The following MRPL42 variants were observed in gnomAD, a reference collection of about 807,000 sequenced individuals.
MRPL42 encodes mitochondrial ribosomal protein L42.
A neutral mutation model predicts 17.9 loss-of-function variants in MRPL42; 17 were observed. The ratio of observed to expected loss-of-function variants is 0.95; its 90% CI spans 0.65 to 1.42. The LOEUF (loss-of-function observed/expected upper bound fraction) is 1.42, where lower values mean the gene tolerates loss of function less well. MRPL42 is among the 40% of genes most tolerant of loss of function. MRPL42 has a pLI of 0.00. For synonymous variants in MRPL42, 59 were observed against 54.4 expected, an observed-to-expected ratio of 1.08 and a Z score of -0.37; for missense variants, 177 against 175.2, an observed-to-expected ratio of 1.01 and a Z score of -0.06.
chr12:93,470,378 T>A, intron 2 of MRPL42: 1 of 1,023,178 alleles, frequency 9.8e-7, no homozygotes, highest in Non-Finnish European at 1.2e-6. Flanking sequence ...ACAGCTCTTA[T>A]AGGAAGCTTT....
intron 3 of MRPL42, among the ~76,000 whole-genome samples, chr12:93,478,546 C>T (rs1280995170): frequency 3.9e-5 from 6 of 152,220 alleles, no homozygotes; most frequent in African/African-American, 1.2e-4. Flanking sequence ...CACGCCTGGC[C>T]TTGATACTAG....
At chr12:93,469,491 T>C in intron 2 of MRPL42, 136 bp downstream of exon 2, 1 of 637,896 alleles carries the variant, frequency 1.6e-6, no homozygotes, top group South Asian at 2.1e-5. Flanking sequence ...AAAACCTAAA[T>C]GTCAGTCAGA....
intron 5 of MRPL42, among the ~76,000 whole-genome samples, chr12:93,489,184 C>T (rs1018684911): frequency 2.0e-5 from 3 of 151,972 alleles, no homozygotes; most frequent in Non-Finnish European, 2.9e-5. Context: ...AGTAAATAAA[C>T]GGTTAAATCA....
At chr12:93,486,494 G>A (rs369789518) in intron 4 of MRPL42, among the ~76,000 whole-genome samples, 4 of 152,100 alleles carry the variant, frequency 2.6e-5, no homozygotes, top group Admixed American at 6.5e-5. Flanking sequence ...ACAGGTGTGC[G>A]CTACCGCACC....
rs1296473380 is a variant in MRPL42 at position 93,509,637 on chromosome 12, A to G, written c.*8416A>G. The G allele has an allele frequency of 6.6e-6, 1 of 152,110 alleles. No homozygotes were observed. The highest frequency in any genetic ancestry group is 1.5e-5 in the Non-Finnish European group (1 of 68,050). The allele number at this position is 152,110 out of a possible 1,614,324, so 9.4% of individuals were successfully genotyped here. A position where few individuals can be genotyped will look rare whatever the true frequency, so the allele number is the denominator to read the frequency against. ...CATAAATGTAGTGACCTCCTGGGTCACTGGGACCCAGAGTTGCCTAAGGAG... is the reference window on the plus strand; with the variant it reads ...CATAAATGTAGTGACCTCCTGGGTCGCTGGGACCCAGAGTTGCCTAAGGAG... On this transcript the variant is annotated 3_prime_UTR_variant, in exon 6 of 6. Coordinates refer to ENST00000549982, the MANE Select transcript of MRPL42 (RefSeq NM_014050.4).
chr12:93,500,158 C>A (rs1457717998), intron 5 of MRPL42, among the ~76,000 whole-genome samples: 1 of 152,100 alleles, frequency 6.6e-6, no homozygotes, highest in Non-Finnish European at 1.5e-5. Context: ...TGTTAGTTTG[C>A]CTATTTTTAC....
At chr12:93,470,966 T>C (rs1056576766) in intron 2 of MRPL42, among the ~76,000 whole-genome samples, 2 of 152,226 alleles carry the variant, frequency 1.3e-5, no homozygotes, top group African/African-American at 4.8e-5. Flanking sequence ...GACCTTTGTC[T>C]CTTCTTTCTT....
At chr12:93,470,119 A>G (rs1552862) in intron 2 of MRPL42, among the ~76,000 whole-genome samples, 78,395 of 151,842 alleles carry the variant, frequency 0.52, 20,300 homozygotes, top group Non-Finnish European at 0.53. Flanking sequence ...CATTGTTAAT[A>G]TTTTGGTGGA....
At chr12:93,487,929 T>C in intron 5 of MRPL42, 1 of 311,778 alleles carries the variant, frequency 3.2e-6, no homozygotes, top group Non-Finnish European at 5.8e-6. Context: ...TCCGAGTAGC[T>C]AGTACTACAG....
chr12:93,477,096 GT>G, intron 3 of MRPL42, 79 bp downstream of exon 3: 1 of 1,030,314 alleles, frequency 9.7e-7, no homozygotes, highest in South Asian at 1.5e-5. Context: ...TTGTTTTGAT[GT>G]CTGATGCTTT....
chr12:93,475,767 G>A (rs141580684), intron 2 of MRPL42, among the ~76,000 whole-genome samples: 10,665 of 151,964 alleles, frequency 0.07, 439 homozygotes, highest in South Asian at 0.14. Flanking sequence ...GGTGGATCAC[G>A]AGGTCAGGAG....
At chr12:93,495,795 C>A (rs912187031) in intron 5 of MRPL42, among the ~76,000 whole-genome samples, 6 of 152,074 alleles carry the variant, frequency 3.9e-5, no homozygotes, top group Non-Finnish European at 7.4e-5. Flanking sequence ...CTGTGACCCA[C>A]CTAGATAAAA....
In MRPL42 at chr12:93,470,404, A is replaced by T. The variant is rs1010621729; in HGVS notation, c.70+1049A>T. 3.5e-6 allele frequency: 4 copies of T among 1,137,278 alleles called. No homozygotes were observed. In the African/African-American group the frequency reaches 6.5e-5, roughly 18 times the overall value. 70.4% of individuals were successfully genotyped at this position (1,137,278 alleles called of 1,614,324 possible). On this transcript the variant is annotated intron_variant, in intron 2 of 5. Transcript: ENST00000549982. The stretch of plus-strand genomic sequence containing the variant: ...AGGAAGCTTTCCATTTCTAAAGTAG[A>T]CATGTATAGAAGGCAACAGTAGGTT...
intron 5 of MRPL42, among the ~76,000 whole-genome samples, chr12:93,489,815 C>T (rs944590419): frequency 7.2e-5 from 11 of 152,226 alleles, no homozygotes; most frequent in African/African-American, 2.7e-4. Context: ...GGATTACAGG[C>T]GTGAGCCACT....
At chr12:93,483,439 T>C in intron 4 of MRPL42, among the ~76,000 whole-genome samples, 1 of 152,202 alleles carries the variant, frequency 6.6e-6, no homozygotes, top group East Asian at 1.9e-4. Flanking sequence ...GCTCCCAGGC[T>C]GCAAACGTAT....
chr12:93,507,330 G>A lies in MRPL42; in HGVS notation c.*6109G>A, dbSNP rs1390387960. ...CCTTATTTTCTGATTACATTTGCAG[G>A]GAGAAATAACTCCTTACTTGTCAGT... On this transcript the variant is annotated 3_prime_UTR_variant, in exon 6 of 6. Coordinates refer to ENST00000549982, the MANE Select transcript of MRPL42 (RefSeq NM_014050.4). 1.3e-5 allele frequency: 2 copies of A among 152,110 alleles called. No homozygotes were observed. Among genetic ancestry groups the A allele is most frequent in the African/African-American group, 4.8e-5 (2 of 41,400 alleles). 9.4% of individuals were successfully genotyped at this position (152,110 alleles called of 1,614,324 possible).
intron 4 of MRPL42, among the ~76,000 whole-genome samples, chr12:93,481,698 T>A (rs1412757084): frequency 6.6e-6 from 1 of 152,218 alleles, no homozygotes. Flanking sequence ...GAGGATTCCC[T>A]ATGATTCCCT....
At chr12:93,486,675 TCTC>T (rs1880756083) in intron 4 of MRPL42, among the ~76,000 whole-genome samples, 1 of 151,828 alleles carries the variant, frequency 6.6e-6, no homozygotes, top group Non-Finnish European at 1.5e-5. Context: ...TTTAATTATT[TCTC>T]ATCTTAATGA....
Position 93,502,803 on chromosome 12 carries a change from C to T in MRPL42, c.*1582C>T, listed in dbSNP as rs118058983. 1 of 152,264 alleles carries T rather than the reference C, an allele frequency of 6.6e-6. No individual in the cohort carries two copies. Among genetic ancestry groups the T allele is most frequent in the East Asian group, 1.9e-4 (1 of 5,194 alleles). The allele number at this position is 152,264 out of a possible 1,614,324, so 9.4% of individuals were successfully genotyped here. A position where few individuals can be genotyped will look rare whatever the true frequency, so the allele number is the denominator to read the frequency against. ...ATGATTATGAAGATTTTCTTCTCTT[C>T]CGAGTACAAAGCTCTGCTAAATAAG... On this transcript the variant is annotated 3_prime_UTR_variant, in exon 6 of 6. Coordinates refer to ENST00000549982, the MANE Select transcript of MRPL42 (RefSeq NM_014050.4).
Sources: allele counts gnomAD v4.1 joint callset (sites outside exome capture counted in the v4.1 genomes callset), GRCh38; gene constraint gnomAD v4.1.1; transcripts MANE v1.5; gene names NCBI Gene and HGNC (gene_info 2026-07-23, HGNC 2026-07-21).